The following PAX8 variants were observed in gnomAD, a reference collection of about 807,000 sequenced individuals.
PAX8 encodes the protein paired box protein Pax-8.
In PAX8, 15 loss-of-function variants were observed where a neutral mutation model predicts 52.4. The ratio of observed to expected loss-of-function variants is 0.29; its 90% CI spans 0.19 to 0.44. The LOEUF (loss-of-function observed/expected upper bound fraction) is 0.44. PAX8 is among the 20% of genes least tolerant of loss of function. PAX8 has a pLI of 1.00. For missense variants in PAX8, 554 were observed against 602.5 expected (o/e 0.92, Z 0.84); for synonymous variants, 284 against 249.7 (o/e 1.14, Z -1.29).
At chr2:113,239,923 C>T (rs750391275) in intron 7 of PAX8, 1 of 152,100 alleles carries the variant, frequency 6.6e-6, no homozygotes, top group Non-Finnish European at 1.5e-5. Context: ...TCATGGAGGT[C>T]CCTGAAAGCT....
chr2:113,278,624 T>C, intron 1 of PAX8, 155 bp from the exon 2 acceptor site: 1 of 726,642 alleles, frequency 1.4e-6, no homozygotes, highest in Non-Finnish European at 2.2e-6. Flanking sequence ...CTAGCCTAGC[T>C]AACAGGCTTC....
chr2:113,247,181 C>A (rs1207873387), intron 2 of PAX8, among the ~76,000 whole-genome samples: 4 of 152,242 alleles, frequency 2.6e-5, no homozygotes, highest in Admixed American at 6.5e-5. Context: ...TTCAGGCAGA[C>A]TCAGCCCTTC....
intron 2 of PAX8, chr2:113,273,346 G>A (rs1212562591): frequency 6.6e-6 from 1 of 152,248 alleles, no homozygotes; most frequent in Non-Finnish European, 1.5e-5. Context: ...TGGGTCCTCA[G>A]GGAGTCTTCT....
chr2:113,234,044 T>C (rs1003278695), intron 9 of PAX8, among the ~76,000 whole-genome samples: 12 of 152,202 alleles, frequency 7.9e-5, no homozygotes, highest in Admixed American at 2.0e-4. Flanking sequence ...AAGAGGCATT[T>C]ACTTCTGTCA....
At chr2:113,223,100 C>T (rs1339881620) in intron 10 of PAX8, among the ~76,000 whole-genome samples, 2 of 152,140 alleles carry the variant, frequency 1.3e-5, no homozygotes. Context: ...TTCAGACACA[C>T]ATGATGTACC....
At chr2:113,222,116 G>T (rs564657402) in intron 10 of PAX8, among the ~76,000 whole-genome samples, 9 of 152,272 alleles carry the variant, frequency 5.9e-5, no homozygotes, top group African/African-American at 2.2e-4. Flanking sequence ...CATATTCAGT[G>T]AAAGCCAGAA....
chr2:113,242,172 A>G (rs766990180), intron 5 of PAX8, 42 bp from the exon 6 acceptor site: 1 of 1,573,064 alleles, frequency 6.4e-7, no homozygotes, highest in Admixed American at 1.7e-5. Context: ...TGGGAGTGAC[A>G]CCCCTCACAG....
intron 2 of PAX8, among the ~76,000 whole-genome samples, chr2:113,277,845 G>C (rs1224332492): frequency 6.6e-6 from 1 of 152,132 alleles, no homozygotes; most frequent in Non-Finnish European, 1.5e-5. Flanking sequence ...GGAGGAGTCG[G>C]AGAGCACCTG....
intron 2 of PAX8, among the ~76,000 whole-genome samples, chr2:113,260,900 A>ATGTGTGTG (rs1298460691): frequency 1.3e-5 from 2 of 149,190 alleles, no homozygotes; most frequent in African/African-American, 2.5e-5. Context: ...GTGTGTGTGT[A>ATGTGTGTG]TGTGTGTGAC....
Position 113,220,202 on chromosome 2 carries a change from G to A in PAX8, c.1190-24C>T, listed in dbSNP as rs1335224139. On this transcript the variant is annotated intron_variant, in intron 10 of 11. Transcript: ENST00000429538. Reference sequence around the variant, plus strand: ...TCCTGTTGGAGGCACACAGGGGAGAGGCCTGTGAGGTGAAGGGCATCAATG... The same window carrying A: ...TCCTGTTGGAGGCACACAGGGGAGAAGCCTGTGAGGTGAAGGGCATCAATG... 5.1e-6 allele frequency: 8 copies of A among 1,561,254 alleles called. No individual in the cohort carries two copies. The African/African-American group carries it at 9.5e-5, about 18-fold the overall frequency.
At chr2:113,260,540 G>A (rs938027684) in intron 2 of PAX8, among the ~76,000 whole-genome samples, 1 of 152,152 alleles carries the variant, frequency 6.6e-6, no homozygotes, top group East Asian at 1.9e-4. Context: ...CCCCTGCTGA[G>A]GGCAGGAAAC....
At chr2:113,236,834 C>G (rs1007795583) in intron 7 of PAX8, 113 bp from the exon 8 acceptor site, 1 of 1,233,564 alleles carries the variant, frequency 8.1e-7, no homozygotes, top group South Asian at 1.5e-5. Context: ...AGGAGAGGTC[C>G]TCATCGCCCC....
At chr2:113,242,327 G>A (rs537604916) in intron 5 of PAX8, among the ~76,000 whole-genome samples, 197 bp from the exon 6 acceptor site, 6 of 151,712 alleles carry the variant, frequency 4.0e-5, no homozygotes, top group South Asian at 2.1e-4. Flanking sequence ...AGAGGGTCAG[G>A]GAGTGAGAGT....
Position 113,218,570 on chromosome 2 carries a change from G to A in PAX8, c.1316C>T (p.Ala439Val), listed in dbSNP as rs907184075. The change falls in exon 12 of 12, where the codon GCA becomes GTA. Residue 439 changes from alanine to valine, a missense_variant. By Grantham distance (64) the Ala-to-Val change is moderately conservative. This residue lies in a region of PAX8 where 445 missense variants were observed against 409.9 expected (regional missense o/e 1.09). Transcript: ENST00000429538. The stretch of plus-strand genomic sequence containing the variant: ...AAAGGCCGTGGCAGTGGTGGGCGGT[G>A]CACTCGGCCTTGATGTGGAACTGTA... ...YYYSSTSRPS[A>V]PPTTATAFDH... 1.7e-5 allele frequency: 26 copies of A among 1,559,978 alleles called. No homozygotes were observed. In the African/African-American group the frequency reaches 2.6e-4, roughly 16 times the overall value.
At chr2:113,229,771 C>T (rs569071013) in intron 9 of PAX8, among the ~76,000 whole-genome samples, 2 of 152,296 alleles carry the variant, frequency 1.3e-5, no homozygotes, top group Non-Finnish European at 1.5e-5. Flanking sequence ...CCCCCTTGGC[C>T]CTCAGATGAA....
rs1375609693 is a variant in PAX8 at position 113,217,393 on chromosome 2, A to C, written c.*1140T>G. On this transcript the variant is annotated 3_prime_UTR_variant, in exon 12 of 12. Coordinates refer to ENST00000429538, the MANE Select transcript of PAX8 (RefSeq NM_003466.4). ...GCAATGGTTTATTGAGTCATGTGGT[A>C]ATGGCAGGTTGTCTTTAAAAAAAGA... The C allele has an allele frequency of 4.4e-6, 1 of 226,654 alleles. No individual in the cohort carries two copies. The highest frequency in any genetic ancestry group is 5.7e-5 in the Admixed American group (1 of 17,534). 14.0% of individuals were successfully genotyped at this position (226,654 alleles called of 1,614,324 possible). A position where few individuals can be genotyped will look rare whatever the true frequency, so the allele number is the denominator to read the frequency against.
At chr2:113,241,947 A>G in intron 6 of PAX8, 61 bp downstream of exon 6, 1 of 1,596,390 alleles carries the variant, frequency 6.3e-7, no homozygotes, top group Non-Finnish European at 8.6e-7. Context: ...TTCTGTCCCC[A>G]TCAAAGCCTG....
At chr2:113,271,859 G>C (rs756352649) in intron 2 of PAX8, 3 of 151,666 alleles carry the variant, frequency 2.0e-5, no homozygotes, top group Non-Finnish European at 2.9e-5. Flanking sequence ...GCAGAGTTGT[G>C]AGAATTAAAT....
At chr2:113,226,190 C>T in intron 10 of PAX8, 1 of 985,426 alleles carries the variant, frequency 1.0e-6, no homozygotes, top group Non-Finnish European at 1.2e-6. Flanking sequence ...CAAAGATTAA[C>T]TCCTGCCGGC....
Sources: gnomAD v4.1 joint callset for allele counts (sites outside exome capture counted in the v4.1 genomes callset) on GRCh38, gnomAD v4.1.1 for gene constraint, gnomAD v4.1.1 regional missense constraint, MANE v1.5 for transcripts, NCBI Gene and HGNC (gene_info 2026-07-23, HGNC 2026-07-21) for gene names.